Variants in SUZ12 observed in about 807,000 individuals in gnomAD.
The protein encoded by SUZ12 is SUZ12 polycomb repressive complex 2 subunit.
Under a neutral mutation model 87.3 loss-of-function variants are expected in SUZ12, and 17 were observed. The ratio of observed to expected loss-of-function variants is 0.19; its 90% CI spans 0.13 to 0.29. The LOEUF (loss-of-function observed/expected upper bound fraction) is 0.29. Among genes scored for constraint, SUZ12 ranks in the 10% least tolerant of loss-of-function variants. SUZ12 has a pLI of 1.00. For synonymous variants in SUZ12, 253 were observed against 312.4 expected (o/e 0.81, Z 2.01); for missense variants, 526 against 912.2 (o/e 0.58, Z 5.45).
chr17:31,943,832 G>C (rs1906453165), intron 3 of SUZ12, among the ~76,000 whole-genome samples: 1 of 151,944 alleles, frequency 6.6e-6, no homozygotes, highest in African/African-American at 2.4e-5. Context: ...TGAGTAGCTG[G>C]GATTACAGGC....
chr17:31,982,452 G>T (rs1385352443), intron 8 of SUZ12, among the ~76,000 whole-genome samples: 1 of 152,170 alleles, frequency 6.6e-6, no homozygotes, highest in East Asian at 1.9e-4. Flanking sequence ...ACGAGGGCAG[G>T]AGTTTAAGAC....
chr17:31,991,003 T>TC lies in SUZ12; in HGVS notation c.1202-2236dup, dbSNP rs572341836. On this transcript the variant is annotated intron_variant, in intron 10 of 15. Transcript: ENST00000322652. ...CTCAAGCAATCTACCTACCTTAGCA[T>TC]CCCAAAGTACTGGGACTACAGGCTT... Among the ~76,000 whole-genome samples the TC allele has an allele frequency of 2.3e-4, 35 of 152,236 alleles. No individual in the cohort carries two copies. In the East Asian group the frequency reaches 3.5e-3, roughly 15 times the overall value.
intron 8 of SUZ12, among the ~76,000 whole-genome samples, chr17:31,977,530 G>T (rs1258147529): frequency 6.6e-6 from 1 of 151,938 alleles, no homozygotes; most frequent in Admixed American, 6.6e-5. Context: ...CGCCTGCCTT[G>T]GCCTCCCAAA....
At chr17:31,943,880 T>C (rs1906456434) in intron 3 of SUZ12, among the ~76,000 whole-genome samples, 5 of 151,790 alleles carry the variant, frequency 3.3e-5, no homozygotes, top group Admixed American at 2.6e-4. Context: ...GTATTTTTAG[T>C]AGAGACAGGG....
intron 1 of SUZ12, among the ~76,000 whole-genome samples, chr17:31,938,402 C>T (rs1046248702): frequency 2.0e-5 from 3 of 152,184 alleles, no homozygotes; most frequent in Non-Finnish European, 2.9e-5. Flanking sequence ...GGCTCTACCG[C>T]CCAGTGTCCT....
At chr17:31,987,556 A>G (rs962215809) in intron 9 of SUZ12, among the ~76,000 whole-genome samples, 3 of 152,138 alleles carry the variant, frequency 2.0e-5, no homozygotes, top group East Asian at 1.9e-4. Flanking sequence ...AAGCTGTTCA[A>G]TTTACAAAAA....
chr17:31,960,468 C>T (rs370435948), intron 4 of SUZ12, among the ~76,000 whole-genome samples: 1 of 152,044 alleles, frequency 6.6e-6, no homozygotes, highest in Non-Finnish European at 1.5e-5. Flanking sequence ...CTCGGCCTCC[C>T]AAAGTGCTGG....
intron 4 of SUZ12, among the ~76,000 whole-genome samples, chr17:31,949,093 A>G (rs919138982): frequency 5.3e-5 from 8 of 152,178 alleles, no homozygotes; most frequent in Admixed American, 5.2e-4. Flanking sequence ...AACCAACAAC[A>G]GGAACACTGG....
intron 8 of SUZ12, 113 bp downstream of exon 8, chr17:31,976,727 T>C: frequency 1.2e-6 from 1 of 839,736 alleles, no homozygotes; most frequent in Admixed American, 3.2e-5. Flanking sequence ...CTTTTTATTC[T>C]TACGGATGAA....
chr17:31,999,373 A>AT lies in SUZ12; in HGVS notation c.*374dup, dbSNP rs952637381. ...TTTTTCTACTTTGTAATTGTGAGACATTTTCTTGGGGAGGGAAAATTGGAA... is the reference window on the plus strand; with the variant it reads ...TTTTTCTACTTTGTAATTGTGAGACATTTTTCTTGGGGAGGGAAAATTGGAA... On this transcript the variant is annotated 3_prime_UTR_variant, in exon 16 of 16. Transcript: ENST00000322652. 4.3e-5 allele frequency: 10 copies of AT among 233,684 alleles called. No individual in the cohort carries two copies. Among genetic ancestry groups the AT allele is most frequent in the Admixed American group, 1.7e-4 (3 of 17,814 alleles). The allele number at this position is 233,684 out of a possible 1,614,324, so 14.5% of individuals were successfully genotyped here. A position where few individuals can be genotyped will look rare whatever the true frequency, so the allele number is the denominator to read the frequency against.
chr17:31,952,631 C>T (rs1444017542), intron 4 of SUZ12, among the ~76,000 whole-genome samples: 3 of 152,124 alleles, frequency 2.0e-5, no homozygotes, highest in Admixed American at 6.5e-5. Context: ...AGCGCGATCT[C>T]GGCTTACTGC....
At chr17:31,983,521 C>A (rs902753559) in intron 9 of SUZ12, among the ~76,000 whole-genome samples, 4 of 152,188 alleles carry the variant, frequency 2.6e-5, no homozygotes, top group Admixed American at 1.3e-4. Context: ...ACCTTGTGAT[C>A]TGCCCACCTT....
chr17:31,966,290 ATTAAGT>A (rs1193549226), intron 5 of SUZ12, 94 bp downstream of exon 5: 4 of 1,017,378 alleles, frequency 3.9e-6, no homozygotes, highest in South Asian at 3.0e-5. Flanking sequence ...AATTTATAAA[ATTAAGT>A]TTAATGGAAA....
chr17:31,978,922 A>G (rs1459831401), intron 8 of SUZ12, among the ~76,000 whole-genome samples: 1 of 151,870 alleles, frequency 6.6e-6, no homozygotes, highest in Non-Finnish European at 1.5e-5. Context: ...CCTGGCCAAC[A>G]TGGTGAAACC....
intron 15 of SUZ12, among the ~76,000 whole-genome samples, chr17:31,997,091 T>G (rs1910014971): frequency 6.6e-6 from 1 of 152,180 alleles, no homozygotes; most frequent in South Asian, 2.1e-4. Flanking sequence ...AACAATGAAT[T>G]AATATTATAT....
chr17:31,978,491 G>A (rs1352163501), intron 8 of SUZ12, among the ~76,000 whole-genome samples: 5 of 152,108 alleles, frequency 3.3e-5, no homozygotes, highest in Non-Finnish European at 7.3e-5. Flanking sequence ...TTACAGGTGA[G>A]CCACCGTGCC....
intron 5 of SUZ12, among the ~76,000 whole-genome samples, chr17:31,972,427 T>G (rs1374054170): frequency 3.3e-5 from 5 of 149,760 alleles, no homozygotes; most frequent in Admixed American, 3.3e-4. Context: ...GTAGATGTGT[T>G]TTAGAGACAG....
In SUZ12 at chr17:32,000,942, T is replaced by TA. The variant is rs975066104; in HGVS notation, c.*1947dup. 6 of 220,338 alleles carry TA rather than the reference T, an allele frequency of 2.7e-5. No homozygotes were observed. Among genetic ancestry groups the TA allele is most frequent in the Middle Eastern group, 1.4e-3 (1 of 720 alleles). 13.6% of individuals were successfully genotyped at this position (220,338 alleles called of 1,614,324 possible). A position where few individuals can be genotyped will look rare whatever the true frequency, so the allele number is the denominator to read the frequency against. On this transcript the variant is annotated 3_prime_UTR_variant, in exon 16 of 16. Coordinates refer to ENST00000322652, the MANE Select transcript of SUZ12 (RefSeq NM_015355.4). ...AAGCATTTGAATGGTACAGTAGATG[T>TA]AAAAAAAATTCAGTTTAAAAGAACA...
At chr17:31,978,182 A>G (rs1165257252) in intron 8 of SUZ12, among the ~76,000 whole-genome samples, 3 of 151,954 alleles carry the variant, frequency 2.0e-5, no homozygotes. Context: ...TAACTAGGCC[A>G]TTCCTCCTAT....
Sources: allele counts gnomAD v4.1 joint callset (sites outside exome capture counted in the v4.1 genomes callset), GRCh38; gene constraint gnomAD v4.1.1; transcripts MANE v1.5; gene names NCBI Gene and HGNC (gene_info 2026-07-23, HGNC 2026-07-21).